Variants in CALCR observed in about 807,000 individuals in gnomAD.
CALCR encodes calcitonin receptor.
A neutral mutation model predicts 59.5 loss-of-function variants in CALCR; 47 were observed. The observed-to-expected ratio is 0.79, with a 90% CI of 0.63 to 1.01. The LOEUF is 1.01. CALCR is among the 50% of genes least tolerant of loss of function. The pLI, the probability that CALCR is intolerant of heterozygous loss-of-function variation, is 0.00. For missense variants in CALCR, 566 were observed against 597.1 expected, an observed-to-expected ratio of 0.95 and a Z score of 0.54; for synonymous variants, 213 against 211.3, an observed-to-expected ratio of 1.01 and a Z score of -0.07.
chr7:93,552,465 G>T (rs1209845380), intron 2 of CALCR, among the ~76,000 whole-genome samples: 1 of 152,026 alleles, frequency 6.6e-6, no homozygotes, highest in Non-Finnish European at 1.5e-5. Context: ...AAATGAATGG[G>T]CCTACAAATA....
chr7:93,510,277 C>T (rs1045419440), intron 2 of CALCR, among the ~76,000 whole-genome samples: 14 of 152,120 alleles, frequency 9.2e-5, no homozygotes, highest in African/African-American at 3.1e-4. Flanking sequence ...TTCAGAGTAA[C>T]ATCAGGAGCT....
At chr7:93,529,544 C>A (rs73421375) in intron 2 of CALCR, among the ~76,000 whole-genome samples, 1 of 152,250 alleles carries the variant, frequency 6.6e-6, no homozygotes, top group African/African-American at 2.4e-5. Context: ...ATTTGAAGAA[C>A]CACAAGAACT....
chr7:93,540,560 T>C (rs1353826072), intron 2 of CALCR, among the ~76,000 whole-genome samples: 3 of 152,100 alleles, frequency 2.0e-5, no homozygotes, highest in Non-Finnish European at 2.9e-5. Context: ...GCAATCAGTA[T>C]ATTTTAAATG....
At chr7:93,431,930 T>C (rs1322387155) in intron 13 of CALCR, among the ~76,000 whole-genome samples, 1 of 152,156 alleles carries the variant, frequency 6.6e-6, no homozygotes. Flanking sequence ...CTTTTTCAGG[T>C]CTCTTAGGTA....
At chr7:93,486,726 A>G (rs1393231977) in intron 3 of CALCR, among the ~76,000 whole-genome samples, 1 of 151,588 alleles carries the variant, frequency 6.6e-6, no homozygotes, top group Non-Finnish European at 1.5e-5. Context: ...TGGGTAGACC[A>G]CAAACACTAA....
intron 2 of CALCR, among the ~76,000 whole-genome samples, chr7:93,519,004 T>C (rs1255121452): frequency 6.6e-6 from 1 of 151,962 alleles, no homozygotes; most frequent in Non-Finnish European, 1.5e-5. Flanking sequence ...TACATAATGA[T>C]CATGTTAATT....
intron 2 of CALCR, among the ~76,000 whole-genome samples, chr7:93,503,729 A>G (rs761364959): frequency 6.6e-6 from 1 of 152,134 alleles, no homozygotes; most frequent in Admixed American, 6.6e-5. Flanking sequence ...GAGGGAGGTT[A>G]TACTTGTCTC....
chr7:93,460,579 ATATATATATATATG>A (rs1800304722), intron 8 of CALCR, among the ~76,000 whole-genome samples: 1 of 111,376 alleles, frequency 9.0e-6, no homozygotes, highest in African/African-American at 4.6e-5. Context: ...AAAAATATAT[ATATATATATATATG>A]TATATATATA....
intron 13 of CALCR, among the ~76,000 whole-genome samples, chr7:93,432,969 C>G (rs1381788228): frequency 6.6e-6 from 1 of 152,110 alleles, no homozygotes; most frequent in East Asian, 1.9e-4. Context: ...CTTTTCATTT[C>G]TATTCTAGGC....
At position 93,510,610 on chromosome 7, in the gene CALCR, A is replaced by G. The variant is rs117381828; in HGVS notation, c.-26-23603T>C. Reference sequence around the variant, plus strand: ...GGGTGGGGTAAGGTGGCTCAAGCTTATAATCCCAGTGCTTTGGGAGGCTAA... The same window carrying G: ...GGGTGGGGTAAGGTGGCTCAAGCTTGTAATCCCAGTGCTTTGGGAGGCTAA... On this transcript the variant is annotated intron_variant, in intron 2 of 13. Transcript: ENST00000426151. Among the ~76,000 whole-genome samples, 17 of 152,296 alleles carry G rather than the reference A, an allele frequency of 1.1e-4. No homozygotes were observed. The East Asian group carries it at 3.3e-3, about 29-fold the overall frequency.
intron 2 of CALCR, among the ~76,000 whole-genome samples, chr7:93,503,407 A>AACACACACACACACACACACAT (rs112593093): frequency 6.6e-6 from 1 of 150,850 alleles, no homozygotes; most frequent in African/African-American, 2.4e-5. Context: ...AATAATTAGA[A>AACACACACACACACACACACAT]ACACACACAC....
At chr7:93,473,902 T>A (rs911491382) in intron 5 of CALCR, among the ~76,000 whole-genome samples, 1 of 151,676 alleles carries the variant, frequency 6.6e-6, no homozygotes, top group Non-Finnish European at 1.5e-5. Context: ...TTTATTTTAA[T>A]TTTTTTAGGC....
intron 12 of CALCR, among the ~76,000 whole-genome samples, chr7:93,435,680 C>T (rs963965030): frequency 2.0e-5 from 3 of 151,912 alleles, no homozygotes. Context: ...GTAGCGCACA[C>T]CTGTAATCCC....
intron 2 of CALCR, among the ~76,000 whole-genome samples, chr7:93,497,341 C>T (rs907959792): frequency 1.3e-5 from 2 of 151,576 alleles, no homozygotes; most frequent in African/African-American, 4.8e-5. Flanking sequence ...TTGTAGCTTG[C>T]ATTATGTGTA....
intron 11 of CALCR, among the ~76,000 whole-genome samples, chr7:93,437,537 G>C (rs568677288): frequency 6.6e-6 from 1 of 152,200 alleles, no homozygotes; most frequent in East Asian, 1.9e-4. Context: ...TAAGACATGA[G>C]GCCAAGTCTA....
At chr7:93,457,349 T>G (rs1800228869) in intron 8 of CALCR, among the ~76,000 whole-genome samples, 1 of 152,110 alleles carries the variant, frequency 6.6e-6, no homozygotes, top group African/African-American at 2.4e-5. Context: ...ATTAGATGCA[T>G]AAAGCTACAT....
intron 2 of CALCR, among the ~76,000 whole-genome samples, chr7:93,526,482 CAG>C (rs1801879991): frequency 1.3e-5 from 2 of 149,464 alleles, no homozygotes; most frequent in Admixed American, 1.3e-4. Flanking sequence ...AATACTGATT[CAG>C]AGATATGGTA....
intron 2 of CALCR, among the ~76,000 whole-genome samples, chr7:93,491,246 A>G (rs1801069121): frequency 6.6e-6 from 1 of 152,264 alleles, no homozygotes; most frequent in Non-Finnish European, 1.5e-5. Context: ...CACCTTATAC[A>G]AAAATTAACT....
chr7:93,535,179 T>A (rs1282830411), intron 2 of CALCR, among the ~76,000 whole-genome samples: 1 of 151,726 alleles, frequency 6.6e-6, no homozygotes, highest in African/African-American at 2.4e-5. Flanking sequence ...TATTATTGAA[T>A]CTTGCTGACC....
Sources: gnomAD v4.1 joint callset for allele counts (sites outside exome capture counted in the v4.1 genomes callset) on GRCh38, gnomAD v4.1.1 for gene constraint, MANE v1.5 for transcripts, NCBI Gene and HGNC (gene_info 2026-07-23, HGNC 2026-07-21) for gene names.